SLC12A6: variants seen among roughly 807,000 people sequenced by gnomAD.
SLC12A6 encodes the protein solute carrier family 12 member 6, also known as K-Cl cotransporter 3.
Under a neutral mutation model 135.3 loss-of-function variants are expected in SLC12A6, and 66 were observed. The ratio of observed to expected loss-of-function variants is 0.49; its 90% CI spans 0.40 to 0.60. The LOEUF (loss-of-function observed/expected upper bound fraction) is 0.60, where lower values mean the gene tolerates loss of function less well. Ranked by LOEUF, SLC12A6 falls within the 20% of genes least tolerant of loss-of-function variation. SLC12A6 has a pLI of 0.00. For missense variants in SLC12A6, 1,058 were observed against 1,452.3 expected, an observed-to-expected ratio of 0.73 and a Z score of 4.41; for synonymous variants, 513 against 508.8, an observed-to-expected ratio of 1.01 and a Z score of -0.11.
At chr15:34,262,473 A>T (rs1239861037) in intron 3 of SLC12A6, among the ~76,000 whole-genome samples, 1 of 152,108 alleles carries the variant, frequency 6.6e-6, no homozygotes, top group African/African-American at 2.4e-5. Context: ...AGAACTCAGG[A>T]CCCACCAAAC....
upstream of SLC12A6, chr15:34,338,050 G>A (rs1235178208): frequency 6.6e-6 from 1 of 152,068 alleles, no homozygotes; most frequent in East Asian, 1.9e-4. Flanking sequence ...AGCCCGCGGT[G>A]ACCGAGTGCA....
chr15:34,308,481 C>T (rs1007248459), intron 2 of SLC12A6, among the ~76,000 whole-genome samples: 1 of 151,728 alleles, frequency 6.6e-6, no homozygotes, highest in East Asian at 1.9e-4. Flanking sequence ...GAAAATTAGC[C>T]GGGCATGGTG....
In SLC12A6 at chr15:34,260,955, A is replaced by T; in HGVS notation, c.382T>A (p.Tyr128Asn). ...NNSNYEEGDE[Y>N]FDKNLALFEE... ...AAGAGTGCCAAATTTTTATCAAAAT[A>T]TTCATCTCCTTCTTCATAATTGGAA... Residue 128 changes from tyrosine to asparagine, a missense_variant, in exon 4 of 26, where the codon TAT becomes AAT. Around this residue, in one of 6 missense-constraint regions of SLC12A6, gnomAD observed 176 missense variants for 168.9 expected, o/e 1.04. Coordinates refer to ENST00000354181, the MANE Select transcript of SLC12A6 (RefSeq NM_001365088.1). 1 of 1,535,980 alleles carries T rather than the reference A, an allele frequency of 6.5e-7. No individual in the cohort carries two copies. The highest frequency in any genetic ancestry group is 9.0e-7 in the Non-Finnish European group (1 of 1,108,876).
intron 3 of SLC12A6, among the ~76,000 whole-genome samples, chr15:34,273,111 G>A (rs1331126048): frequency 6.6e-6 from 1 of 152,208 alleles, no homozygotes; most frequent in Non-Finnish European, 1.5e-5. Context: ...AGCACTTTGA[G>A]AGGCCACAGT....
chr15:34,261,767 T>C (rs1893150819), intron 3 of SLC12A6, among the ~76,000 whole-genome samples: 1 of 152,266 alleles, frequency 6.6e-6, no homozygotes, highest in Non-Finnish European at 1.5e-5. Context: ...ATAAATTATA[T>C]GAAGTTTTGA....
intron 4 of SLC12A6, among the ~76,000 whole-genome samples, chr15:34,260,404 G>A (rs553874098): frequency 5.3e-4 from 80 of 152,184 alleles, no homozygotes; most frequent in Non-Finnish European, 7.2e-4. Context: ...GACCACAGGC[G>A]CCCGCCACCA....
intron 2 of SLC12A6, among the ~76,000 whole-genome samples, chr15:34,281,102 A>C (rs1894649061): frequency 6.6e-6 from 1 of 152,210 alleles, no homozygotes; most frequent in African/African-American, 2.4e-5. Context: ...AAGTATAGCT[A>C]GATAAAAAAA....
chr15:34,305,548 A>C (rs1200714183), intron 2 of SLC12A6, among the ~76,000 whole-genome samples: 1 of 152,042 alleles, frequency 6.6e-6, no homozygotes, highest in Non-Finnish European at 1.5e-5. Flanking sequence ...TAGAGTTGAC[A>C]ACAGATTAGC....
intron 2 of SLC12A6, among the ~76,000 whole-genome samples, chr15:34,288,030 T>C (rs183977769): frequency 6.6e-6 from 1 of 152,324 alleles, no homozygotes; most frequent in African/African-American, 2.4e-5. Flanking sequence ...TGCTTTGGTG[T>C]TTTAGACATG....
intron 2 of SLC12A6, among the ~76,000 whole-genome samples, chr15:34,282,889 T>G (rs1406166538): frequency 6.6e-6 from 1 of 152,242 alleles, no homozygotes; most frequent in Non-Finnish European, 1.5e-5. Flanking sequence ...TTTTACCAAG[T>G]GCCTCAGATG....
intron 13 of SLC12A6, among the ~76,000 whole-genome samples, chr15:34,247,987 G>T (rs1264407245): frequency 6.6e-6 from 1 of 152,144 alleles, no homozygotes; most frequent in Non-Finnish European, 1.5e-5. Context: ...TTACAGGCAT[G>T]AGCCACCATA....
At chr15:34,321,015 G>A (rs1012867125) in intron 2 of SLC12A6, among the ~76,000 whole-genome samples, 3 of 152,148 alleles carry the variant, frequency 2.0e-5, no homozygotes, top group Admixed American at 2.0e-4. Context: ...GACCTAGTTT[G>A]TACTCTGCAT....
At chr15:34,257,946 T>C (rs1892865750) in intron 5 of SLC12A6, 158 bp from the exon 6 acceptor site, 3 of 619,862 alleles carry the variant, frequency 4.8e-6, no homozygotes, top group Non-Finnish European at 5.7e-6. Flanking sequence ...AAAATCTCCA[T>C]CTTTCAAGTG....
At chr15:34,267,897 GTTTAA>G (rs1277438004) in intron 3 of SLC12A6, among the ~76,000 whole-genome samples, 2 of 151,912 alleles carry the variant, frequency 1.3e-5, no homozygotes, top group Admixed American at 6.5e-5. Context: ...CTAAGCTACT[GTTTAA>G]TTTCTTTTTT....
At chr15:34,327,059 T>C (rs145791383) in intron 2 of SLC12A6, among the ~76,000 whole-genome samples, 22 of 152,136 alleles carry the variant, frequency 1.4e-4, no homozygotes, top group African/African-American at 5.3e-4. Flanking sequence ...TTATTATTTG[T>C]ATGACCTTGG....
intron 2 of SLC12A6, among the ~76,000 whole-genome samples, chr15:34,335,163 G>C (rs991374372): frequency 6.6e-6 from 1 of 152,182 alleles, no homozygotes; most frequent in Non-Finnish European, 1.5e-5. Flanking sequence ...TTAATCCAGT[G>C]TATGACACAC....
intron 6 of SLC12A6, among the ~76,000 whole-genome samples, chr15:34,257,113 C>CTGGG (rs1892808084): frequency 6.6e-6 from 1 of 151,952 alleles, no homozygotes; most frequent in Non-Finnish European, 1.5e-5. Context: ...ATAGGTGTGT[C>CTGGG]TGGGATACAT....
At chr15:34,240,173 A>T (rs1021539880) in intron 19 of SLC12A6, among the ~76,000 whole-genome samples, 14 of 152,114 alleles carry the variant, frequency 9.2e-5, no homozygotes, top group African/African-American at 3.4e-4. Flanking sequence ...TAGTTCTATC[A>T]TATATAATAA....
intron 2 of SLC12A6, among the ~76,000 whole-genome samples, chr15:34,277,593 T>A (rs1482277166): frequency 6.6e-6 from 1 of 152,114 alleles, no homozygotes; most frequent in South Asian, 2.1e-4. Context: ...GTAGCTGGCA[T>A]GAAAAGAAGA....
Sources: gnomAD v4.1 joint callset for allele counts (sites outside exome capture counted in the v4.1 genomes callset) on GRCh38, gnomAD v4.1.1 for gene constraint, gnomAD v4.1.1 regional missense constraint, MANE v1.5 for transcripts, NCBI Gene and HGNC (gene_info 2026-07-23, HGNC 2026-07-21) for gene names.